USP39: variants seen among roughly 807,000 people sequenced by gnomAD.
USP39 encodes the protein ubiquitin specific peptidase 39.
A neutral mutation model predicts 66.4 loss-of-function variants in USP39; 38 were observed. The ratio of observed to expected loss-of-function variants is 0.57; its 90% CI spans 0.44 to 0.75. The LOEUF is 0.75. Ranked by LOEUF, USP39 falls within the 30% of genes least tolerant of loss-of-function variation. The probability of loss-of-function intolerance (pLI) is 0.00; values close to 1 mark genes in which losing one functional copy is unlikely to be tolerated. For missense variants in USP39, 608 were observed against 714.4 expected, an observed-to-expected ratio of 0.85 and a Z score of 1.70; for synonymous variants, 303 against 274.6, an observed-to-expected ratio of 1.10 and a Z score of -1.02.
chr2:85,647,191 G>A (rs1489156753), intron 11 of USP39, among the ~76,000 whole-genome samples: 1 of 152,082 alleles, frequency 6.6e-6, no homozygotes, highest in Non-Finnish European at 1.5e-5. Context: ...GCCCAGCCAG[G>A]AATGTCCATA....
upstream of USP39, chr2:85,609,404 T>C (rs768025934): frequency 1.1e-5 from 18 of 1,610,294 alleles, no homozygotes; most frequent in Non-Finnish European, 1.4e-5. Flanking sequence ...GCCCAGGACC[T>C]TCAGGCTGCA....
chr2:85,610,348 A>C (rs1673431087), upstream of USP39: 1 of 152,106 alleles, frequency 6.6e-6, no homozygotes, highest in Admixed American at 6.6e-5. Flanking sequence ...CCAATCAAGG[A>C]CTTATTTACC....
chr2:85,623,579 A>G (rs1032896294), intron 3 of USP39, 67 bp from the exon 4 acceptor site: 18 of 1,479,644 alleles, frequency 1.2e-5, no homozygotes, highest in Non-Finnish European at 1.4e-5. Context: ...AATGAAAGGA[A>G]AAGCAAACCT....
chr2:85,610,014 T>G (rs890516711), upstream of USP39, among the ~76,000 whole-genome samples: 11 of 110,472 alleles, frequency 1.0e-4, no homozygotes, highest in African/African-American at 6.7e-4. Context: ...GTGTAAGTGG[T>G]TTTTTTTTTT....
intron 1 of USP39, among the ~76,000 whole-genome samples, chr2:85,605,025 G>GT (rs1673166657): frequency 6.6e-6 from 1 of 152,214 alleles, no homozygotes; most frequent in Non-Finnish European, 1.5e-5. Flanking sequence ...GGGGAATTGT[G>GT]TATCATGTAA....
intron 11 of USP39, chr2:85,645,908 C>T (rs1291917030): frequency 6.6e-6 from 1 of 152,278 alleles, no homozygotes; most frequent in African/African-American, 2.4e-5. Context: ...AGGTATGAGC[C>T]ACCATGCCTG....
At chr2:85,629,347 C>T (rs996276589) in intron 5 of USP39, among the ~76,000 whole-genome samples, 6 of 151,872 alleles carry the variant, frequency 4.0e-5, no homozygotes, top group South Asian at 4.2e-4. Flanking sequence ...AGACGTGAAC[C>T]ATCGCGCCTA....
At chr2:85,607,617 G>C (rs1673264537), upstream of USP39, 1 of 152,194 alleles carries the variant, frequency 6.6e-6, no homozygotes, top group African/African-American at 2.4e-5. Flanking sequence ...CTACCTTGCA[G>C]GATAGATTTT....
intron 1 of USP39, among the ~76,000 whole-genome samples, chr2:85,617,475 T>G (rs1458608815): frequency 6.6e-6 from 1 of 152,164 alleles, no homozygotes; most frequent in Non-Finnish European, 1.5e-5. Flanking sequence ...GTTCGTGTAG[T>G]GAGCAGCCTT....
At chr2:85,617,690 C>T (rs1674101151) in intron 1 of USP39, among the ~76,000 whole-genome samples, 1 of 152,310 alleles carries the variant, frequency 6.6e-6, no homozygotes, top group East Asian at 1.9e-4. Context: ...GCACGGGGTT[C>T]GTCTCCTGTA....
chr2:85,621,622 G>GA, intron 3 of USP39, 43 bp downstream of exon 3: 2 of 1,424,192 alleles, frequency 1.4e-6, no homozygotes, highest in Non-Finnish European at 1.9e-6. Context: ...GCTCCAGAGG[G>GA]ACTTTTTTTT....
intron 11 of USP39, among the ~76,000 whole-genome samples, chr2:85,645,623 G>A (rs1190659078): frequency 1.3e-5 from 2 of 152,066 alleles, no homozygotes; most frequent in Non-Finnish European, 1.5e-5. Context: ...ACACCAGGCC[G>A]GTTATAATAG....
chr2:85,644,460 G>A (rs566682773), intron 10 of USP39, among the ~76,000 whole-genome samples: 1 of 152,014 alleles, frequency 6.6e-6, no homozygotes, highest in Non-Finnish European at 1.5e-5. Flanking sequence ...TTGAGACAGG[G>A]TCTCACTGTC....
Position 85,618,894 on chromosome 2 carries a change from T to C in USP39, c.269-326T>C, listed in dbSNP as rs567607886. Among the ~76,000 whole-genome samples, 8 of 152,094 alleles carry C rather than the reference T, an allele frequency of 5.3e-5. No homozygotes were observed. In the South Asian group the frequency reaches 1.7e-3, roughly 32 times the overall value. On this transcript the variant is annotated intron_variant, in intron 1 of 12. Transcript: ENST00000323701. Reference sequence around the variant, plus strand: ...AAGCAATTATCCTGCCTCAACTTCCTGAATAGCTGGGATTACAGGCACCCA... The same window carrying C: ...AAGCAATTATCCTGCCTCAACTTCCCGAATAGCTGGGATTACAGGCACCCA...
At chr2:85,633,627 G>T (rs983244886) in intron 6 of USP39, among the ~76,000 whole-genome samples, 2 of 151,900 alleles carry the variant, frequency 1.3e-5, no homozygotes, top group Non-Finnish European at 2.9e-5. Flanking sequence ...AATTACCCAG[G>T]CATGGTGGCA....
At chr2:85,612,959 C>T (rs62166772), upstream of USP39, among the ~76,000 whole-genome samples, 1 of 118,650 alleles carries the variant, frequency 8.4e-6, no homozygotes, top group South Asian at 2.4e-4. Flanking sequence ...CCGTGCCCGG[C>T]CCCTTTTTTT....
intron 6 of USP39, among the ~76,000 whole-genome samples, chr2:85,632,446 ATC>A (rs1482388131): frequency 7.5e-6 from 1 of 133,188 alleles, no homozygotes; most frequent in African/African-American, 2.9e-5. Context: ...AATTTCAACT[ATC>A]TTTTTTTTTT....
At chr2:85,614,569 C>T (rs532899895), upstream of USP39, among the ~76,000 whole-genome samples, 3 of 152,202 alleles carry the variant, frequency 2.0e-5, no homozygotes, top group East Asian at 1.9e-4. Context: ...CAGAATAGGG[C>T]GTTCCTGAAA....
At chr2:85,617,595 ATAGGATGAGGTAGAGTTCAAGAC>A (rs1443189922) in intron 1 of USP39, among the ~76,000 whole-genome samples, 1 of 152,154 alleles carries the variant, frequency 6.6e-6, no homozygotes, top group East Asian at 1.9e-4. Context: ...CAGCTACTCT[ATAGGATGAGGTAGAGTTCAAGAC>A]TAGGATAGGC....
Sources: allele counts gnomAD v4.1 joint callset (sites outside exome capture counted in the v4.1 genomes callset), GRCh38; gene constraint gnomAD v4.1.1; transcripts MANE v1.5; gene names NCBI Gene and HGNC (gene_info 2026-07-23, HGNC 2026-07-21).